The following MOSMO variants were observed in gnomAD, a reference collection of about 807,000 sequenced individuals.
MOSMO encodes the protein modulator of smoothened, also known as modulator of smoothened protein.
MOSMO carries 5 observed loss-of-function variants against 18.4 expected under a neutral mutation model. That is an observed-to-expected ratio of 0.27 (90% CI 0.14 to 0.57). MOSMO has a LOEUF of 0.57. MOSMO is among the 20% of genes least tolerant of loss of function. The probability of loss-of-function intolerance (pLI) is 0.92; values close to 1 mark genes in which losing one functional copy is unlikely to be tolerated. For synonymous variants in MOSMO, 82 were observed against 82.3 expected (o/e 1.00, Z 0.02); for missense variants, 138 against 211.8 (o/e 0.65, Z 2.16).
intron 1 of MOSMO, among the ~76,000 whole-genome samples, chr16:22,037,357 G>C (rs1900128677): frequency 6.6e-6 from 1 of 152,130 alleles, no homozygotes; most frequent in Admixed American, 6.5e-5. Flanking sequence ...TGGCAGTCTT[G>C]GCCAAAAAGG....
At chr16:22,024,016 T>TATATATATATATATA (rs57968547) in intron 1 of MOSMO, among the ~76,000 whole-genome samples, 9 of 145,556 alleles carry the variant, frequency 6.2e-5, no homozygotes, top group East Asian at 2.4e-4. Context: ...TATATATATA[T>TATATATATATATATA]TTTCTTAAGA....
chr16:22,023,700 A>T (rs1899810351), intron 1 of MOSMO, among the ~76,000 whole-genome samples: 1 of 152,044 alleles, frequency 6.6e-6, no homozygotes, highest in Non-Finnish European at 1.5e-5. Flanking sequence ...TTCAAGGTAC[A>T]GATATCAGCC....
downstream of MOSMO, chr16:22,084,659 T>C (rs1286405071): frequency 6.6e-6 from 1 of 152,208 alleles, no homozygotes; most frequent in African/African-American, 2.4e-5. Context: ...TAAAAAGGCT[T>C]CTATTACTTT....
intron 1 of MOSMO, among the ~76,000 whole-genome samples, chr16:22,051,109 T>C (rs1235254192): frequency 1.3e-5 from 2 of 152,064 alleles, no homozygotes; most frequent in Non-Finnish European, 2.9e-5. Flanking sequence ...ACTCTATGGC[T>C]GGGCGCGATG....
intron 1 of MOSMO, among the ~76,000 whole-genome samples, chr16:22,013,828 G>A (rs1316778669): frequency 2.0e-5 from 3 of 150,308 alleles, no homozygotes; most frequent in Admixed American, 6.7e-5. Context: ...CATTTCTGAA[G>A]ATATTTTCAT....
At position 22,084,464 on chromosome 16, in the gene MOSMO, G is replaced by C. The variant is rs1429430532; in HGVS notation, c.*3584G>C. ...ATCACCTCAAGAGATTTTGAAGTTT[G>C]TGATCAAGGTCTGTATATTATCCCA... is the stretch of plus-strand genomic sequence containing the variant. On this transcript the variant is annotated 3_prime_UTR_variant, in exon 3 of 3. Coordinates refer to ENST00000542527, the MANE Select transcript of MOSMO (RefSeq NM_001164579.2). The C allele has an allele frequency of 6.6e-6, 1 of 152,144 alleles. No individual in the cohort carries two copies. Among genetic ancestry groups the C allele is most frequent in the African/African-American group, 2.4e-5 (1 of 41,446 alleles). The allele number at this position is 152,144 out of a possible 1,614,324, so 9.4% of individuals were successfully genotyped here.
chr16:22,035,529 A>G (rs1166834102), intron 1 of MOSMO, among the ~76,000 whole-genome samples: 1 of 151,894 alleles, frequency 6.6e-6, no homozygotes, highest in Non-Finnish European at 1.5e-5. Context: ...AGATTTAATC[A>G]TACTGAGCCT....
chr16:22,092,467 C>T (rs1009453593), downstream of MOSMO: 1 of 702,778 alleles, frequency 1.4e-6, no homozygotes, highest in African/African-American at 1.8e-5. Context: ...CCTTTCCCTG[C>T]CCCGAGCTGC....
chr16:22,078,143 C>T (rs1901009077), intron 2 of MOSMO, among the ~76,000 whole-genome samples: 1 of 151,714 alleles, frequency 6.6e-6, no homozygotes, highest in African/African-American at 2.4e-5. Flanking sequence ...CCTTTGCCAC[C>T]CTGATTTCCA....
chr16:22,019,047 G>A (rs1312605523), intron 1 of MOSMO, among the ~76,000 whole-genome samples: 3 of 152,150 alleles, frequency 2.0e-5, no homozygotes, highest in Non-Finnish European at 4.4e-5. Flanking sequence ...CCCTGTGTAA[G>A]TGCTGTTATT....
intron 1 of MOSMO, among the ~76,000 whole-genome samples, chr16:22,045,765 A>C (rs988616119): frequency 6.6e-6 from 1 of 152,146 alleles, no homozygotes; most frequent in Non-Finnish European, 1.5e-5. Context: ...AGTCTTTTTG[A>C]ATGAATTTAG....
intron 1 of MOSMO, among the ~76,000 whole-genome samples, chr16:22,017,136 G>A (rs1262942138): frequency 6.6e-6 from 1 of 152,130 alleles, no homozygotes; most frequent in African/African-American, 2.4e-5. Flanking sequence ...GCATACTTAG[G>A]TGGTGGGCCA....
chr16:22,027,810 G>A (rs1899906753), intron 1 of MOSMO, among the ~76,000 whole-genome samples: 1 of 152,094 alleles, frequency 6.6e-6, no homozygotes, highest in Admixed American at 6.6e-5. Context: ...TTTCTCATTC[G>A]TTTCCTGCCC....
intron 1 of MOSMO, among the ~76,000 whole-genome samples, chr16:22,052,023 T>C (rs1328059721): frequency 6.6e-6 from 1 of 152,138 alleles, no homozygotes; most frequent in African/African-American, 2.4e-5. Flanking sequence ...AATTTGGCAA[T>C]ATCTGTGAAC....
intron 1 of MOSMO, among the ~76,000 whole-genome samples, chr16:22,017,228 A>G (rs1899658750): frequency 6.6e-6 from 1 of 152,232 alleles, no homozygotes; most frequent in Admixed American, 6.5e-5. Context: ...AATTATAAAT[A>G]AGAACTTGTT....
At chr16:22,088,712 A>T (rs1901235430), downstream of MOSMO, among the ~76,000 whole-genome samples, 4 of 152,176 alleles carry the variant, frequency 2.6e-5, no homozygotes, top group Non-Finnish European at 5.9e-5. Context: ...TGTTTTATAG[A>T]CTACAAAACC....
In MOSMO at chr16:22,051,392, A is replaced by G. The variant is rs1035666337; in HGVS notation, c.107-24095A>G. On this transcript the variant is annotated intron_variant, in intron 1 of 2. Coordinates refer to ENST00000542527, the MANE Select transcript of MOSMO (RefSeq NM_001164579.2). ...CAGAGCAAGACTCCATCTCCAAAAA[A>G]AAAAGGACTCTACAGAAAAATAAAA... is the stretch of plus-strand genomic sequence containing the variant. 2.0e-5 allele frequency among the ~76,000 whole-genome samples: 3 copies of G among 152,252 alleles called. No individual in the cohort carries two copies. The South Asian group carries it at 6.2e-4, about 32-fold the overall frequency.
chr16:22,043,713 T>C (rs977270132), intron 1 of MOSMO, among the ~76,000 whole-genome samples: 10 of 152,188 alleles, frequency 6.6e-5, no homozygotes, highest in African/African-American at 2.2e-4. Context: ...AGATCTTAGG[T>C]ACAGAATCTG....
intron 1 of MOSMO, among the ~76,000 whole-genome samples, chr16:22,056,365 C>CTTTTTTTT (rs35642716): frequency 1.2e-3 from 64 of 54,608 alleles, no homozygotes; most frequent in East Asian, 2.4e-3. Context: ...TTCTTTCTTT[C>CTTTTTTTT]TTTTTTTTTT....
Sources: gnomAD v4.1 joint callset for allele counts (sites outside exome capture counted in the v4.1 genomes callset) on GRCh38, gnomAD v4.1.1 for gene constraint, MANE v1.5 for transcripts, NCBI Gene and HGNC (gene_info 2026-07-23, HGNC 2026-07-21) for gene names.